GLMN: variants seen among roughly 807,000 people sequenced by gnomAD.
The protein encoded by GLMN is glomulin, FKBP associated protein.
In GLMN, 75 loss-of-function variants were observed where a neutral mutation model predicts 87.8. The ratio of observed to expected loss-of-function variants is 0.85; its 90% confidence interval spans 0.71 to 1.04. GLMN has a LOEUF of 1.04. GLMN is among the 50% of genes least tolerant of loss of function. The probability of loss-of-function intolerance (pLI) is 0.00; values close to 1 mark genes in which losing one functional copy is unlikely to be tolerated. For synonymous variants in GLMN, 206 were observed against 221.6 expected (o/e 0.93, Z 0.63); for missense variants, 588 against 658.8 (o/e 0.89, Z 1.18).
At chr1:92,307,108 A>C in the GLMN span, 1 of 948,952 alleles carries the variant, frequency 1.1e-6, no homozygotes, top group African/African-American at 1.7e-5. Context: ...TGAACGATAC[A>C]TTTATGTTTT....
rs548636010 is a variant in GLMN, at chr1:92,273,285, A to G, written c.736-1633T>C. ...GCTATTCAGCGACCAGATGCTAAAT[A>G]TATACTGCTGCAGTGATTTTCAAAG... is the stretch of plus-strand genomic sequence containing the variant. On this transcript the variant is annotated intron_variant, in intron 7 of 18. Coordinates refer to ENST00000370360, the MANE Select transcript of GLMN (RefSeq NM_053274.3). 2.0e-5 allele frequency among the ~76,000 whole-genome samples: 3 copies of G among 152,334 alleles called. No homozygotes were observed. In the South Asian group the frequency reaches 6.2e-4, roughly 32 times the overall value.
chr1:92,326,514 G>A, the GLMN span, among the ~76,000 whole-genome samples: 32 of 152,260 alleles, frequency 2.1e-4, no homozygotes, highest in East Asian at 3.3e-3. Context: ...GGGTAGGGCC[G>A]TAGAACTCCC....
chr1:92,297,115 C>CTTTTTTTT (rs1034040272), intron 3 of GLMN, among the ~76,000 whole-genome samples: 2 of 118,324 alleles, frequency 1.7e-5, no homozygotes, highest in Non-Finnish European at 3.7e-5. Flanking sequence ...TGTTTCTTTT[C>CTTTTTTTT]TTTTTTTTTT....
intron 3 of GLMN, among the ~76,000 whole-genome samples, chr1:92,293,081 C>A (rs780466625): frequency 5.9e-5 from 9 of 151,852 alleles, no homozygotes; most frequent in Non-Finnish European, 1.2e-4. Flanking sequence ...GATTAATAAC[C>A]AGAATAGAAA....
At chr1:92,329,386 C>T in the GLMN span, among the ~76,000 whole-genome samples, 1 of 152,006 alleles carries the variant, frequency 6.6e-6, no homozygotes, top group Non-Finnish European at 1.5e-5. Flanking sequence ...AAGCTGGCAA[C>T]CACAGGCCTC....
At chr1:92,312,171 C>T in the GLMN span, among the ~76,000 whole-genome samples, 12,167 of 152,102 alleles carry the variant, frequency 0.08, 744 homozygotes, top group African/African-American at 0.18. Context: ...AGCATTGTTG[C>T]GGGGCAAGGC....
chr1:92,290,242 T>G lies in GLMN; in HGVS notation c.350A>C (p.Gln117Pro). The G allele has an allele frequency of 6.2e-7, 1 of 1,610,070 alleles. No homozygotes were observed. The highest frequency in any genetic ancestry group is 8.5e-7 in the Non-Finnish European group (1 of 1,176,518). Residue 117 changes from glutamine to proline, a missense_variant, in exon 5 of 19, where the codon CAG becomes CCG. Physicochemically the swap from Gln to Pro is moderately conservative, Grantham distance 76. Transcript: ENST00000370360. ...LELIEEPSGK[Q>P]ISQSILLLLQ... is the part of the protein sequence containing the mutation. The stretch of plus-strand genomic sequence containing the variant: ...CAAAAGAAGAATACTTTGGGATATC[T>G]GTTTTCCAGAGGGCTCTTCAATCAG...
the GLMN span, among the ~76,000 whole-genome samples, chr1:92,315,345 A>G: frequency 2.0e-5 from 3 of 152,234 alleles, no homozygotes; most frequent in Non-Finnish European, 4.4e-5. Flanking sequence ...AAGCAATTAC[A>G]ACAGTAACAT....
chr1:92,297,649 A>T, intron 2 of GLMN, 120 bp from the exon 3 acceptor site: 1 of 891,256 alleles, frequency 1.1e-6, no homozygotes. Context: ...ATTCTAGATA[A>T]ATGTAACGTA....
At chr1:92,277,428 G>C (rs531569727) in intron 7 of GLMN, among the ~76,000 whole-genome samples, 35 of 152,140 alleles carry the variant, frequency 2.3e-4, no homozygotes, top group Non-Finnish European at 4.3e-4. Context: ...TCTCCAAAGT[G>C]ATAAGTGTCT....
At chr1:92,296,444 C>T (rs576762044) in intron 3 of GLMN, among the ~76,000 whole-genome samples, 3 of 152,288 alleles carry the variant, frequency 2.0e-5, no homozygotes, top group Non-Finnish European at 4.4e-5. Flanking sequence ...TGAGTGCCAA[C>T]AGGGGAAATG....
chr1:92,341,382 T>C, the GLMN span, among the ~76,000 whole-genome samples: 1 of 152,172 alleles, frequency 6.6e-6, no homozygotes, highest in Non-Finnish European at 1.5e-5. Context: ...CAAACAATAG[T>C]AAATACATTC....
chr1:92,349,136 C>A, the GLMN span, among the ~76,000 whole-genome samples: 1 of 152,168 alleles, frequency 6.6e-6, no homozygotes, highest in African/African-American at 2.4e-5. Context: ...CATCTACTCT[C>A]AAATTTCCAA....
chr1:92,294,373 T>A (rs72958775), intron 3 of GLMN, among the ~76,000 whole-genome samples: 1 of 152,116 alleles, frequency 6.6e-6, no homozygotes, highest in Non-Finnish European at 1.5e-5. Flanking sequence ...TCTCCCCACT[T>A]ATCTGCAGGG....
the GLMN span, among the ~76,000 whole-genome samples, chr1:92,332,803 C>G: frequency 6.6e-6 from 1 of 152,152 alleles, no homozygotes; most frequent in Non-Finnish European, 1.5e-5. Context: ...CTCAATTTCT[C>G]AATATCTAAT....
the GLMN span, among the ~76,000 whole-genome samples, chr1:92,331,916 A>G: frequency 2.0e-5 from 3 of 152,138 alleles, no homozygotes; most frequent in African/African-American, 2.4e-5. Flanking sequence ...TTAGATGAGC[A>G]GTTATTTTCT....
At chr1:92,345,993 AT>A in the GLMN span, 3 of 1,015,956 alleles carry the variant, frequency 3.0e-6, no homozygotes, top group Non-Finnish European at 3.0e-6. Context: ...TGATCCACTG[AT>A]TTTGTAAACT....
chr1:92,308,135 C>T, the GLMN span, among the ~76,000 whole-genome samples: 173 of 152,144 alleles, frequency 1.1e-3, no homozygotes, highest in African/African-American at 3.9e-3. Flanking sequence ...TGTAACACCA[C>T]TCTCAATTCA....
the GLMN span, among the ~76,000 whole-genome samples, chr1:92,360,366 A>G: frequency 1.3e-4 from 20 of 152,346 alleles, no homozygotes; most frequent in South Asian, 3.9e-3. Context: ...AAAGGCTGCT[A>G]TAGTATTACA....
Sources: gnomAD v4.1 joint callset for allele counts (sites outside exome capture counted in the v4.1 genomes callset) on GRCh38, gnomAD v4.1.1 for gene constraint, MANE v1.5 for transcripts, NCBI Gene and HGNC (gene_info 2026-07-23, HGNC 2026-07-21) for gene names.